The following NEB variants were observed in gnomAD, a reference collection of about 807,000 sequenced individuals.
NEB encodes nebulin, also known as nemaline myopathy type 2.
A neutral mutation model predicts 952.2 loss-of-function variants in NEB; 512 were observed. The ratio of observed to expected loss-of-function variants is 0.54; its 90% CI spans 0.50 to 0.58. The LOEUF (loss-of-function observed/expected upper bound fraction) is 0.58, where lower values mean the gene tolerates loss of function less well. Ranked by LOEUF, NEB falls within the 20% of genes least tolerant of loss-of-function variation. The pLI is 0.00. For synonymous variants in NEB, 2,900 were observed against 3,149.8 expected (o/e 0.92, Z 2.66); for missense variants, 8,428 against 9,231.1 (o/e 0.91, Z 3.56).
chr2:151,554,117 G>A (rs1045275688), intron 125 of NEB, 92 bp from the exon 126 acceptor site: 30 of 1,153,478 alleles, frequency 2.6e-5, no homozygotes, highest in Middle Eastern at 1.9e-4. Context: ...AACTCACAGC[G>A]AACAGTTGGG....
At chr2:151,673,308 T>A (rs908836529) in intron 36 of NEB, among the ~76,000 whole-genome samples, 4 of 152,180 alleles carry the variant, frequency 2.6e-5, no homozygotes, top group Non-Finnish European at 5.9e-5. Flanking sequence ...TGCAAGAGAA[T>A]TCAAATCCAC....
At chr2:151,658,598 G>T (rs1038899834) in intron 47 of NEB, among the ~76,000 whole-genome samples, 3 of 152,126 alleles carry the variant, frequency 2.0e-5, no homozygotes, top group Non-Finnish European at 1.5e-5. Context: ...GATGAAAAAG[G>T]AAATGAAATA....
intron 107 of NEB, among the ~76,000 whole-genome samples, chr2:151,572,442 A>G (rs1416249746): frequency 6.7e-6 from 1 of 148,224 alleles, no homozygotes; most frequent in Admixed American, 6.8e-5. Context: ...TTTTCACACT[A>G]TTTCTTATGT....
intron 80 of NEB, 34 bp from the exon 81 acceptor site, chr2:151,610,154 G>A (rs749148737): frequency 2.6e-6 from 4 of 1,536,356 alleles, no homozygotes; most frequent in African/African-American, 1.4e-5. Flanking sequence ...GAGACATCCA[G>A]TTTTAAAACC....
intron 46 of NEB, among the ~76,000 whole-genome samples, chr2:151,659,749 A>G (rs2099125793): frequency 6.6e-6 from 1 of 152,228 alleles, no homozygotes. Flanking sequence ...AAACAGACAT[A>G]TAGTCCTTTT....
At chr2:151,489,889 C>A in intron 181 of NEB, 82 bp downstream of exon 181, 12 of 1,044,006 alleles carry the variant, frequency 1.1e-5, no homozygotes, top group Middle Eastern at 2.1e-4. Flanking sequence ...TAAAAAAAAC[C>A]GTAATACCTA....
chr2:151,510,296 A>G (rs1356925622), intron 161 of NEB, among the ~76,000 whole-genome samples: 2 of 152,006 alleles, frequency 1.3e-5, no homozygotes, highest in Non-Finnish European at 2.9e-5. Flanking sequence ...CCTGTTAAGA[A>G]TTCCTTCATT....
intron 124 of NEB, among the ~76,000 whole-genome samples, chr2:151,560,165 A>G (rs1427404221): frequency 6.6e-6 from 1 of 152,328 alleles, no homozygotes; most frequent in Non-Finnish European, 1.5e-5. Flanking sequence ...TTTCTATTTC[A>G]TTGCTATAAA....
chr2:151,709,919 A>G (rs12464543), intron 11 of NEB, among the ~76,000 whole-genome samples, 156 bp from the exon 12 acceptor site: 105,180 of 152,080 alleles, frequency 0.69, 39,587 homozygotes, highest in Non-Finnish European at 0.83. Context: ...TACCATTACA[A>G]AAATGATTAG....
In NEB at chr2:151,503,338, T is replaced by C. The variant is rs750572273; in HGVS notation, c.23835+11A>G. On this transcript the variant is annotated intron_variant, in intron 166 of 181. Transcript: ENST00000397345. ...GGGAAATAGTTTCTTATATGATATA[T>C]TTGTAAATACCGAGCTAAAGTTCTC... 7 of 1,572,332 alleles carry C rather than the reference T, an allele frequency of 4.5e-6. No individual in the cohort carries two copies. Among genetic ancestry groups the C allele is most frequent in the East Asian group, 2.3e-5 (1 of 44,410 alleles).
rs1273538969 is a variant in NEB at position 151,680,748 on chromosome 2, G to A, written c.3024C>T (p.Asn1008=). 2 of 1,607,456 alleles carry A rather than the reference G, an allele frequency of 1.2e-6. No homozygotes were observed. Among genetic ancestry groups the A allele is most frequent in the East Asian group, 2.2e-5 (1 of 44,810 alleles). ...CACTTACATCACTCCTCTGGGCCTG[G>A]TTAATTTTAGACTGTACTGTAATTG... ...DAPITVQSKI[N]QAQRSDIAYK... Residue 1008 remains asparagine (N), a synonymous_variant, in exon 30 of 182, where the codon AAC becomes AAT. Coordinates refer to ENST00000397345, the MANE Select transcript of NEB (RefSeq NM_001164508.2).
intron 121 of NEB, 127 bp downstream of exon 121, chr2:151,561,983 G>A: frequency 2.8e-6 from 2 of 702,922 alleles, no homozygotes; most frequent in Non-Finnish European, 5.0e-6. Flanking sequence ...ATTGGGAGAG[G>A]AGGGGCTTTG....
Position 151,531,875 on chromosome 2 carries a change from C to T in NEB, c.21439G>A (p.Glu7147Lys), listed in dbSNP as rs139840492. Reference protein sequence around the residue: ...WSQIKYRKNYEKSKDKFTSIV... With the variant: ...WSQIKYRKNYKKSKDKFTSIV... The stretch of plus-strand genomic sequence containing the variant: ...GAGGTAAATTTGTCCTTTGATTTTT[C>T]ATAGTTTTTCCTGTATTTGATCTAA... Residue 7147 changes from glutamate (E) to lysine (K), a missense_variant, in exon 144 of 182, where the codon GAA (glutamate) becomes AAA (lysine). Coordinates refer to ENST00000397345, the MANE Select transcript of NEB (RefSeq NM_001164508.2). 6.3e-7 allele frequency: 1 copy of T among 1,598,248 alleles called. No homozygotes were observed. The highest frequency in any genetic ancestry group is 2.3e-5 in the East Asian group (1 of 44,376).
Position 151,644,346 on chromosome 2 carries a change from G to T in NEB, c.7644+122C>A, listed in dbSNP as rs867082880. The T allele has an allele frequency of 1.9e-5, 21 of 1,095,650 alleles. No homozygotes were observed. In the Middle Eastern group the frequency reaches 8.3e-4, roughly 43 times the overall value. The allele number at this position is 1,095,650 out of a possible 1,614,324, so 67.9% of individuals were successfully genotyped here. A position where few individuals can be genotyped will look rare whatever the true frequency, so the allele number is the denominator to read the frequency against. ...CTTATCCTCATCCCACACTGCATGG[G>T]ATCATTTTATTCCACTGTAATTTGT... On this transcript the variant is annotated intron_variant, in intron 56 of 181. Transcript: ENST00000397345.
intron 172 of NEB, 52 bp from the exon 173 acceptor site, chr2:151,496,420 G>C: frequency 1.3e-6 from 2 of 1,551,630 alleles, no homozygotes; most frequent in Non-Finnish European, 1.8e-6. Flanking sequence ...CATTTCATTT[G>C]TTGAGAGGTT....
chr2:151,695,992 C>T (rs898701425), intron 17 of NEB, among the ~76,000 whole-genome samples: 6 of 152,204 alleles, frequency 3.9e-5, no homozygotes, highest in Non-Finnish European at 7.3e-5. Flanking sequence ...ACTGTCAGTG[C>T]TCACGTACCA....
chr2:151,704,932 G>A (rs929298108), intron 13 of NEB, among the ~76,000 whole-genome samples: 10 of 152,140 alleles, frequency 6.6e-5, no homozygotes, highest in African/African-American at 2.4e-4. Flanking sequence ...CTCTGACCAC[G>A]TCCTTAGTAG....
At chr2:151,633,552 C>A (rs1426461998) in intron 65 of NEB, 102 bp downstream of exon 65, 2 of 1,412,292 alleles carry the variant, frequency 1.4e-6, no homozygotes, top group East Asian at 4.8e-5. Context: ...TATTCATGGA[C>A]CAATCAATCT....
intron 162 of NEB, chr2:151,507,729 G>T: frequency 2.8e-6 from 1 of 362,574 alleles, no homozygotes; most frequent in Non-Finnish European, 5.0e-6. Flanking sequence ...TTTGTTACAG[G>T]GGTTTTCGCC....
Sources: allele counts gnomAD v4.1 joint callset (sites outside exome capture counted in the v4.1 genomes callset), GRCh38; gene constraint gnomAD v4.1.1; transcripts MANE v1.5; gene names NCBI Gene and HGNC (gene_info 2026-07-23, HGNC 2026-07-21).